Variants in CRACDL observed in about 807,000 individuals in gnomAD.
CRACDL encodes CRACD like, also known as CRACD-like protein.
A neutral mutation model predicts 70.6 loss-of-function variants in CRACDL; 26 were observed. The observed-to-expected ratio is 0.37, with a 90% CI of 0.27 to 0.51. The LOEUF is 0.51. CRACDL is among the 20% of genes least tolerant of loss of function. CRACDL has a pLI of 0.94. For synonymous variants in CRACDL, 618 were observed against 615.2 expected (o/e 1.00, Z -0.07); for missense variants, 1,283 against 1,376.9 (o/e 0.93, Z 1.08).
rs187624112 is a variant in CRACDL, at chr2:98,819,889, G to A, written c.2416+1968C>T. Among the ~76,000 whole-genome samples the A allele has an allele frequency of 3.1e-3, 432 of 138,560 alleles. 2 individuals carry two copies. Among genetic ancestry groups the A allele is most frequent in the Non-Finnish European group, 3.6e-3 (236 of 66,290 alleles). 90.9% of individuals were successfully genotyped at this position (138,560 alleles called of 152,430 possible). A position where few individuals can be genotyped will look rare whatever the true frequency, so the allele number is the denominator to read the frequency against. ...GGCTGGAGTGCAGTGGCGTGATCTCGGCTCACTGCAACCTCCGCCTCCTGG... is the reference window on the plus strand; with the variant it reads ...GGCTGGAGTGCAGTGGCGTGATCTCAGCTCACTGCAACCTCCGCCTCCTGG... On this transcript the variant is annotated intron_variant, in intron 7 of 9. Coordinates refer to ENST00000397899, the MANE Select transcript of CRACDL (RefSeq NM_207362.3).
intron 7 of CRACDL, among the ~76,000 whole-genome samples, chr2:98,815,693 T>C (rs1212464048): frequency 1.3e-5 from 2 of 152,186 alleles, no homozygotes; most frequent in African/African-American, 2.4e-5. Context: ...CTTGGAGTGC[T>C]CTAGGCTGGT....
intron 1 of CRACDL, among the ~76,000 whole-genome samples, chr2:98,910,406 A>G (rs1372826374): frequency 6.6e-6 from 1 of 151,996 alleles, no homozygotes; most frequent in Admixed American, 6.6e-5. Context: ...CTGTAATCCC[A>G]GCTACTTGGG....
intron 1 of CRACDL, among the ~76,000 whole-genome samples, chr2:98,900,044 A>G (rs1404609234): frequency 1.9e-4 from 13 of 69,802 alleles, no homozygotes; most frequent in Admixed American, 5.1e-4. Flanking sequence ...GGGGAGGCAG[A>G]TGGACAGAGG....
At chr2:98,798,260 G>A (rs1394576003) in intron 7 of CRACDL, among the ~76,000 whole-genome samples, 5 of 151,912 alleles carry the variant, frequency 3.3e-5, no homozygotes, top group African/African-American at 1.2e-4. Flanking sequence ...CAGGACAATC[G>A]CTTGAACTTG....
chr2:98,889,421 T>C (rs1032323652), intron 1 of CRACDL, among the ~76,000 whole-genome samples: 1 of 152,046 alleles, frequency 6.6e-6, no homozygotes, highest in African/African-American at 2.4e-5. Flanking sequence ...TAAAAATTAC[T>C]ACAGACAAAG....
chr2:98,833,999 C>T (rs187560176), intron 3 of CRACDL, among the ~76,000 whole-genome samples: 1 of 152,360 alleles, frequency 6.6e-6, no homozygotes, highest in Admixed American at 6.5e-5. Context: ...AGTAAGCTTG[C>T]AAGTGGGAAC....
Position 98,822,844 on chromosome 2 carries a change from C to G in CRACDL, c.1429G>C (p.Glu477Gln), listed in dbSNP as rs777670170. The G allele has an allele frequency of 1.4e-6, 2 of 1,447,014 alleles. No homozygotes were observed. Among genetic ancestry groups the G allele is most frequent in the Admixed American group, 2.7e-5 (1 of 37,346 alleles). The allele number at this position is 1,447,014 out of a possible 1,614,324, so 89.6% of individuals were successfully genotyped here. A position where few individuals can be genotyped will look rare whatever the true frequency, so the allele number is the denominator to read the frequency against. ...GTGGAGGGCTCGGTCCCAATTCTCTCGGGCTCGGTCCCCGCTCCTCTCTCG... is the reference window on the plus strand; with the variant it reads ...GTGGAGGGCTCGGTCCCAATTCTCTGGGGCTCGGTCCCCGCTCCTCTCTCG... ...EPERGAGTEP[E>Q]RIGTEPSTAP... is the part of the protein sequence containing the mutation. The change falls in exon 7 of 10, where the codon GAG (glutamate) becomes CAG (glutamine). Residue 477 changes from glutamate (E) to glutamine (Q), a missense_variant. Glu to Gln is a conservative substitution (Grantham distance 29, BLOSUM62 2). Around this residue, in one of 2 missense-constraint regions of CRACDL, gnomAD observed 921 missense variants for 881.9 expected, o/e 1.04. Coordinates refer to ENST00000397899, the MANE Select transcript of CRACDL (RefSeq NM_207362.3). The surrounding 1 kb of genome is among the most constrained non-coding windows in gnomAD (Gnocchi z 4.9).
At chr2:98,794,861 T>C (rs1012237060) in intron 9 of CRACDL, among the ~76,000 whole-genome samples, 190 bp from the exon 10 acceptor site, 2 of 151,914 alleles carry the variant, frequency 1.3e-5, no homozygotes, top group Non-Finnish European at 2.9e-5. Context: ...AAAAGACTTA[T>C]GAGCAAGCTC....
At chr2:98,916,481 T>C (rs187851340) in intron 1 of CRACDL, among the ~76,000 whole-genome samples, 51 of 149,896 alleles carry the variant, frequency 3.4e-4, no homozygotes, top group Middle Eastern at 3.4e-3. Context: ...GCAGATTATA[T>C]GTCAATGATA....
At chr2:98,903,864 G>A (rs1383947521) in intron 1 of CRACDL, among the ~76,000 whole-genome samples, 1 of 152,216 alleles carries the variant, frequency 6.6e-6, no homozygotes, top group Non-Finnish European at 1.5e-5. Context: ...ATACACATGA[G>A]TGTGGTCCTG....
chr2:98,872,088 C>A (rs1417803765), intron 1 of CRACDL, among the ~76,000 whole-genome samples: 1 of 152,232 alleles, frequency 6.6e-6, no homozygotes, highest in Admixed American at 6.5e-5. Context: ...CAATACCAGG[C>A]TGGACGTGGT....
chr2:98,906,662 T>C (rs1333935741), intron 1 of CRACDL, among the ~76,000 whole-genome samples: 1 of 152,258 alleles, frequency 6.6e-6, no homozygotes, highest in Non-Finnish European at 1.5e-5. Context: ...GAAATTCCTA[T>C]TTGTGCACTC....
intron 7 of CRACDL, among the ~76,000 whole-genome samples, chr2:98,803,208 G>A (rs1054079124): frequency 1.3e-5 from 2 of 152,076 alleles, no homozygotes; most frequent in African/African-American, 4.8e-5. Flanking sequence ...CACCATGTTA[G>A]CCAGGATGGT....
chr2:98,844,006 T>C (rs1364582203), intron 2 of CRACDL, among the ~76,000 whole-genome samples: 1 of 152,218 alleles, frequency 6.6e-6, no homozygotes, highest in East Asian at 1.9e-4. Context: ...CTCTATGGAC[T>C]TGGCTTTTTC....
intron 1 of CRACDL, among the ~76,000 whole-genome samples, chr2:98,926,166 T>G (rs551940437): frequency 6.6e-6 from 1 of 152,160 alleles, no homozygotes; most frequent in South Asian, 2.1e-4. Flanking sequence ...ATAAATCATA[T>G]CCTATTTTTA....
chr2:98,836,667 C>A (rs1705796312), intron 3 of CRACDL, among the ~76,000 whole-genome samples: 1 of 152,088 alleles, frequency 6.6e-6, no homozygotes, highest in South Asian at 2.1e-4. Flanking sequence ...AGTCAAGAGA[C>A]AGGGGTGGAT....
intron 1 of CRACDL, among the ~76,000 whole-genome samples, chr2:98,856,489 C>CCAAG (rs1706701387): frequency 6.6e-6 from 1 of 151,824 alleles, no homozygotes; most frequent in Non-Finnish European, 1.5e-5. Context: ...AAAAGCAACA[C>CCAAG]CAAGCAGTAA....
chr2:98,832,547 C>T (rs1356199908), intron 4 of CRACDL, 35 bp from the exon 5 acceptor site: 2 of 1,513,148 alleles, frequency 1.3e-6, no homozygotes, highest in Non-Finnish European at 9.0e-7. Context: ...CTCTTATTTT[C>T]ATCAATGATA....
intron 1 of CRACDL, among the ~76,000 whole-genome samples, chr2:98,922,929 A>C (rs995085014): frequency 1.2e-4 from 18 of 152,200 alleles, no homozygotes; most frequent in African/African-American, 4.1e-4. Context: ...AATAAAACTG[A>C]GCAGCAATTC....
Sources: allele counts gnomAD v4.1 joint callset (sites outside exome capture counted in the v4.1 genomes callset), GRCh38; gene constraint gnomAD v4.1.1; regional missense constraint gnomAD v4.1.1; non-coding constraint Gnocchi (gnomAD v3.1); transcripts MANE v1.5; gene names NCBI Gene and HGNC (gene_info 2026-07-23, HGNC 2026-07-21).